The following SIL1 variants were observed in gnomAD, a reference collection of about 807,000 sequenced individuals.
The protein encoded by SIL1 is nucleotide exchange factor SIL1.
Under a neutral mutation model 49.1 loss-of-function variants are expected in SIL1, and 40 were observed. The ratio of observed to expected loss-of-function variants is 0.81; its 90% CI spans 0.63 to 1.06. SIL1 has a LOEUF of 1.06. SIL1 is among the 50% of genes least tolerant of loss of function. The probability of loss-of-function intolerance (pLI) is 0.00; values close to 1 mark genes in which losing one functional copy is unlikely to be tolerated. For missense variants in SIL1, 500 were observed against 572.6 expected (o/e 0.87, Z 1.29); for synonymous variants, 253 against 250.8 (o/e 1.01, Z -0.08).
intron 7 of SIL1, among the ~76,000 whole-genome samples, chr5:138,976,656 A>G (rs187776726): frequency 5.7e-4 from 87 of 152,238 alleles, no homozygotes; most frequent in African/African-American, 2.0e-3. Context: ...GAGGAAGCAC[A>G]TAGTAGGGAC....
At chr5:139,182,984 G>A (rs974177395) in intron 1 of SIL1, among the ~76,000 whole-genome samples, 2 of 152,150 alleles carry the variant, frequency 1.3e-5, no homozygotes, top group Non-Finnish European at 2.9e-5. Context: ...CAACTTAGTC[G>A]TCATGTTTAT....
chr5:139,102,359 A>G (rs1245033953), intron 3 of SIL1, among the ~76,000 whole-genome samples: 1 of 152,094 alleles, frequency 6.6e-6, no homozygotes, highest in Non-Finnish European at 1.5e-5. Context: ...CACAAGCCAT[A>G]ATGTTAATTT....
chr5:139,175,831 C>T (rs1258390717), intron 1 of SIL1, among the ~76,000 whole-genome samples: 4 of 152,128 alleles, frequency 2.6e-5, no homozygotes, highest in African/African-American at 7.2e-5. Context: ...AGCGTGGTGG[C>T]GCATGCCTGT....
Position 138,948,495 on chromosome 5 carries a change from A to G in SIL1, c.1030-1022T>C, listed in dbSNP as rs926160390. ...ATTGCGGGTGATAAAGACAAAATCA[A>G]TCCCTTCCCTGGGACTGCGAGGCTC... On this transcript the variant is annotated intron_variant, in intron 9 of 9. Transcript: ENST00000394817. This position sits in a 1 kb window ranked among gnomAD's most constrained non-coding sequence, Gnocchi z 4.8. Among the ~76,000 whole-genome samples, 2 of 151,968 alleles carry G rather than the reference A, an allele frequency of 1.3e-5. No individual in the cohort carries two copies. The highest frequency in any genetic ancestry group is 4.8e-5 in the African/African-American group (2 of 41,362).
chr5:139,089,628 G>A (rs1050581007), intron 3 of SIL1, among the ~76,000 whole-genome samples: 3 of 152,190 alleles, frequency 2.0e-5, no homozygotes, highest in South Asian at 2.1e-4. Context: ...CCATAAAAAG[G>A]CATGAAGTAT....
At chr5:139,119,009 C>G (rs1474415418) in intron 3 of SIL1, among the ~76,000 whole-genome samples, 1 of 152,188 alleles carries the variant, frequency 6.6e-6, no homozygotes, top group Non-Finnish European at 1.5e-5. Flanking sequence ...GCCCTCTGAG[C>G]TACAGGGCCT....
chr5:138,950,595 C>T (rs1429933452), intron 9 of SIL1, among the ~76,000 whole-genome samples: 1 of 152,210 alleles, frequency 6.6e-6, no homozygotes, highest in East Asian at 1.9e-4. Flanking sequence ...TCTGCAGTAG[C>T]TGAATTAAGA....
intron 7 of SIL1, among the ~76,000 whole-genome samples, chr5:139,010,256 G>A (rs1340986907): frequency 2.0e-5 from 3 of 148,304 alleles, no homozygotes; most frequent in Admixed American, 6.8e-5. Flanking sequence ...TGATCGCATC[G>A]GCTCCTGAGG....
intron 2 of SIL1, among the ~76,000 whole-genome samples, chr5:139,125,794 G>A (rs1461112651): frequency 2.0e-5 from 3 of 152,126 alleles, no homozygotes; most frequent in Admixed American, 6.6e-5. Flanking sequence ...TACTGTACCC[G>A]CCTCATTGTT....
In SIL1 at chr5:138,989,416, G is replaced by C. The variant is rs61331497; in HGVS notation, c.767+31755C>G. On this transcript the variant is annotated intron_variant, in intron 7 of 9. Transcript: ENST00000394817. ...ATTACAGAAATTATCTTAGTCATAT[G>C]GTTTGAATGAACCTCTGTGTACAGA... Among the ~76,000 whole-genome samples the C allele has an allele frequency of 5.5e-3, 844 of 152,252 alleles. 4 individuals are homozygous for C. Among genetic ancestry groups the C allele is most frequent in the African/African-American group, 0.019 (809 of 41,532 alleles).
intron 1 of SIL1, among the ~76,000 whole-genome samples, chr5:139,186,437 G>A (rs957113980): frequency 1.3e-5 from 2 of 151,998 alleles, no homozygotes; most frequent in African/African-American, 2.4e-5. Context: ...GGATACAGAT[G>A]GGTAGCCTAT....
intron 7 of SIL1, among the ~76,000 whole-genome samples, chr5:139,018,794 T>A (rs1381324323): frequency 6.6e-6 from 1 of 152,146 alleles, no homozygotes; most frequent in Non-Finnish European, 1.5e-5. Flanking sequence ...GACAGGTGCT[T>A]TACAACCGTT....
intron 3 of SIL1, among the ~76,000 whole-genome samples, chr5:139,074,296 A>G (rs1490815117): frequency 2.0e-5 from 3 of 152,176 alleles, no homozygotes; most frequent in Non-Finnish European, 4.4e-5. Context: ...GGTTCAAGCA[A>G]TCCTCCTGCC....
In SIL1 at chr5:139,051,867, A is replaced by G. The variant is rs529154459; in HGVS notation, c.245-821T>C. Among the ~76,000 whole-genome samples the G allele has an allele frequency of 7.2e-5, 11 of 152,360 alleles. No homozygotes were observed. The South Asian group carries it at 1.5e-3, about 20-fold the overall frequency. On this transcript the variant is annotated intron_variant, in intron 3 of 9. Transcript: ENST00000394817. Reference sequence around the variant, plus strand: ...AAAAAGCAACTGTGCAGTAGCACATACTACAAATGGAATGCTACACACATT... The same window carrying G: ...AAAAAGCAACTGTGCAGTAGCACATGCTACAAATGGAATGCTACACACATT...
intron 3 of SIL1, among the ~76,000 whole-genome samples, chr5:139,093,119 C>T (rs1315404065): frequency 6.6e-6 from 1 of 152,132 alleles, no homozygotes; most frequent in Non-Finnish European, 1.5e-5. Flanking sequence ...AGCAACACTC[C>T]GTCTCTTTTG....
chr5:139,044,463 TAC>T (rs765110041), intron 4 of SIL1, among the ~76,000 whole-genome samples: 1 of 152,134 alleles, frequency 6.6e-6, no homozygotes, highest in Non-Finnish European at 1.5e-5. Context: ...CCCAACTACA[TAC>T]ACACAAGCAT....
At chr5:139,045,817 T>C (rs1013836214) in intron 4 of SIL1, among the ~76,000 whole-genome samples, 3 of 152,142 alleles carry the variant, frequency 2.0e-5, no homozygotes. Context: ...TCCCTGCACC[T>C]TCCTTCAACC....
Position 139,072,255 on chromosome 5 carries a change from A to G in SIL1, c.245-21209T>C, listed in dbSNP as rs62381234. The stretch of plus-strand genomic sequence containing the variant: ...TTATATACCTAAAACATATTAATAC[A>G]TTCTAAAATGAAAAATAACTCAGAA... On this transcript the variant is annotated intron_variant, in intron 3 of 9. Coordinates refer to ENST00000394817, the MANE Select transcript of SIL1 (RefSeq NM_022464.5). Among the ~76,000 whole-genome samples, 542 of 152,334 alleles carry G rather than the reference A, an allele frequency of 3.6e-3. 2 individuals are homozygous for G. Among genetic ancestry groups the G allele is most frequent in the Non-Finnish European group, 5.9e-3 (400 of 68,032 alleles).
At chr5:139,056,566 C>A (rs1488880376) in intron 3 of SIL1, among the ~76,000 whole-genome samples, 1 of 150,658 alleles carries the variant, frequency 6.6e-6, no homozygotes, top group Non-Finnish European at 1.5e-5. Flanking sequence ...AGCCCCCCGA[C>A]CGGCCAGCCG....
Sources: gnomAD v4.1 joint callset for allele counts (sites outside exome capture counted in the v4.1 genomes callset) on GRCh38, gnomAD v4.1.1 for gene constraint, Gnocchi (gnomAD v3.1) non-coding constraint, MANE v1.5 for transcripts, NCBI Gene and HGNC (gene_info 2026-07-23, HGNC 2026-07-21) for gene names.